The following RASIP1 variants were observed in gnomAD, a reference collection of about 807,000 sequenced individuals.
RASIP1 encodes the protein ras-interacting protein 1.
In RASIP1, 20 loss-of-function variants were observed where a neutral mutation model predicts 85.3. The observed-to-expected ratio is 0.23, with a 90% CI of 0.17 to 0.34. The LOEUF (loss-of-function observed/expected upper bound fraction) is 0.34, where lower values mean the gene tolerates loss of function less well. Ranked by LOEUF, RASIP1 falls within the 10% of genes least tolerant of loss-of-function variation. RASIP1 has a pLI of 1.00. For missense variants in RASIP1, 1,170 were observed against 1,390.9 expected (o/e 0.84, Z 2.53); for synonymous variants, 617 against 647.1 (o/e 0.95, Z 0.71).
intron 11 of RASIP1, 36 bp from the exon 12 acceptor site, chr19:48,721,033 A>T (rs911054426): frequency 6.6e-7 from 1 of 1,518,810 alleles, no homozygotes; most frequent in African/African-American, 1.4e-5. Flanking sequence ...AGAGTCTGAA[A>T]GTGGGAGTGA....
intron 11 of RASIP1, 73 bp from the exon 12 acceptor site, chr19:48,721,070 C>T: frequency 1.5e-6 from 2 of 1,298,024 alleles, no homozygotes; most frequent in Non-Finnish European, 1.0e-6. Context: ...AGAGCCGAGG[C>T]TGCGTCACAC....
chr19:48,728,998 TC>T lies in RASIP1; in HGVS notation c.1771del (p.Glu591SerfsTer44). On this transcript the variant is annotated frameshift_variant, in exon 5 of 12. Coordinates refer to ENST00000222145, the MANE Select transcript of RASIP1 (RefSeq NM_017805.3). LOFTEE classifies it high-confidence loss of function. ...LCVQHSARELELGHLPRLLGR... is the reference protein window; with the variant it reads ...LCVQHSARELXLGHLPRLLGR... ...CAGCAGTCGTGGCAGGTGGCCCAGC[TC>T]CAGCTCACGGGCGGAATGCTGCACG... 1 of 1,453,414 alleles carries T rather than the reference TC, an allele frequency of 6.9e-7. No homozygotes were observed. The highest frequency in any genetic ancestry group is 1.3e-5 in the South Asian group (1 of 75,074). 90.0% of individuals were successfully genotyped at this position (1,453,414 alleles called of 1,614,324 possible).
rs373380374 is a variant in RASIP1, at chr19:48,724,854, C to G, written c.2234G>C (p.Arg745Thr). 1 of 1,614,254 alleles carries G rather than the reference C, an allele frequency of 6.2e-7. No homozygotes were observed. Among genetic ancestry groups the G allele is most frequent in the Non-Finnish European group, 8.5e-7 (1 of 1,180,052 alleles). The change falls in exon 9 of 12, where the codon AGA becomes ACA. Residue 745 changes from arginine to threonine, a missense_variant. This residue lies in a region of RASIP1 where 426 missense variants were observed against 576.2 expected (regional missense o/e 0.74). Coordinates refer to ENST00000222145, the MANE Select transcript of RASIP1 (RefSeq NM_017805.3). This position sits in a 1 kb window ranked among gnomAD's most constrained non-coding sequence, Gnocchi z 4.6. ...TGCCTGGAACACGCCCAGGGTAGGTCTCAATCCTGGAGGCATGGCCCCCAG... is the reference window on the plus strand; with the variant it reads ...TGCCTGGAACACGCCCAGGGTAGGTGTCAATCCTGGAGGCATGGCCCCCAG... ...AELGAMPPGLRPTLGVFQAAL... is the reference protein window; with the variant it reads ...AELGAMPPGLTPTLGVFQAAL...
Position 48,724,925 on chromosome 19 carries a change from A to T in RASIP1, c.2163T>A (p.Ser721Arg). 1 of 1,614,162 alleles carries T rather than the reference A, an allele frequency of 6.2e-7. No individual in the cohort carries two copies. The highest frequency in any genetic ancestry group is 8.5e-7 in the Non-Finnish European group (1 of 1,180,004). Reference sequence around the variant, plus strand: ...GCTCTGCACCAGCTGTGAAAGGGTTACTATCCAGGAGAGCAGGCAGCGTTG... The same window carrying T: ...GCTCTGCACCAGCTGTGAAAGGGTTTCTATCCAGGAGAGCAGGCAGCGTTG... ...LYSTLPALLDSNPFTAGAELP... is the reference protein window; with the variant it reads ...LYSTLPALLDRNPFTAGAELP... The change falls in exon 9 of 12, where the codon AGT (serine) becomes AGA (arginine). Residue 721 changes from serine (S) to arginine (R), a missense_variant. This residue lies in a region of RASIP1 where 426 missense variants were observed against 576.2 expected (regional missense o/e 0.74). Transcript: ENST00000222145. The surrounding 1 kb of genome is among the most constrained non-coding windows in gnomAD (Gnocchi z 4.6).
intron 3 of RASIP1, chr19:48,737,994 G>C: frequency 1.0e-5 from 10 of 965,260 alleles, no homozygotes; most frequent in Non-Finnish European, 1.2e-5. Flanking sequence ...CCCCAGGCTG[G>C]AGTTCAGTGG....
intron 3 of RASIP1, chr19:48,737,600 G>A (rs757065899): frequency 5.1e-6 from 5 of 985,310 alleles, no homozygotes; most frequent in Non-Finnish European, 6.0e-6. Context: ...CTTAGTCCCA[G>A]CAGGCCTGAT....
chr19:48,728,035 CTTTTTAA>C (rs2033373731), intron 5 of RASIP1, among the ~76,000 whole-genome samples: 1 of 152,122 alleles, frequency 6.6e-6, no homozygotes, highest in Admixed American at 6.6e-5. Context: ...TCTCTCCTTA[CTTTTTAA>C]AACATACACA....
Position 48,735,034 on chromosome 19 carries a change from CCT to C in RASIP1, c.1179+160_1179+161del, listed in dbSNP as rs1187805168. On this transcript the variant is annotated intron_variant, in intron 4 of 11. Transcript: ENST00000222145. ...GACTCTTTCTCAGCCATCTACTCTC[CCT>C]CTCCTGTGAATCTCTACTCTGGAAC... 1.3e-5 allele frequency among the ~76,000 whole-genome samples: 2 copies of C among 152,206 alleles called. 1 individual carries two copies. The highest frequency in any genetic ancestry group is 2.9e-5 in the Non-Finnish European group (2 of 68,046).
At chr19:48,731,767 C>T (rs557853140) in intron 4 of RASIP1, among the ~76,000 whole-genome samples, 81 of 152,298 alleles carry the variant, frequency 5.3e-4, no homozygotes, top group African/African-American at 1.7e-3. Flanking sequence ...AAGATTTGCT[C>T]ATCTACCCTT....
Position 48,740,030 on chromosome 19 carries a change from G to C in RASIP1, c.137+116C>G. On this transcript the variant is annotated intron_variant, in intron 2 of 11. Transcript: ENST00000222145. This position sits in a 1 kb window ranked among gnomAD's most constrained non-coding sequence, Gnocchi z 5.5. Reference sequence around the variant, plus strand: ...ACCGTCTCCCCCTGCCCACCAGCTCGTTTGCCCAATTCAGGATGAGGACCG... The same window carrying C: ...ACCGTCTCCCCCTGCCCACCAGCTCCTTTGCCCAATTCAGGATGAGGACCG... 7.4e-7 allele frequency: 1 copy of C among 1,354,586 alleles called. No homozygotes were observed. 83.9% of individuals were successfully genotyped at this position (1,354,586 alleles called of 1,614,324 possible).
Position 48,740,222 on chromosome 19 carries a change from C to A in RASIP1, c.61G>T (p.Val21Leu), listed in dbSNP as rs1472638453. Reference protein sequence around the residue: ...SPRFGKLHLPVGLWINSPRKQ... With the variant: ...SPRFGKLHLPLGLWINSPRKQ... ...CTGGGGGAATTGATCCACAGGCCCA[C>A]GGGGAGATGAAGCTTCCCGAAGCGG... Residue 21 changes from valine to leucine, a missense_variant, in exon 2 of 12, where the codon GTG becomes TTG. Transcript: ENST00000222145. This position sits in a 1 kb window ranked among gnomAD's most constrained non-coding sequence, Gnocchi z 5.5. The A allele has an allele frequency of 6.3e-7, 1 of 1,590,206 alleles. No homozygotes were observed. Among genetic ancestry groups the A allele is most frequent in the Admixed American group, 1.9e-5 (1 of 53,162 alleles).
chr19:48,731,602 A>G (rs182685957), intron 4 of RASIP1, among the ~76,000 whole-genome samples: 38 of 152,268 alleles, frequency 2.5e-4, no homozygotes, highest in Non-Finnish European at 4.6e-4. Flanking sequence ...TCTCCATTCC[A>G]TAAATGTAGA....
intron 11 of RASIP1, among the ~76,000 whole-genome samples, 187 bp from the exon 12 acceptor site, chr19:48,721,184 G>A (rs1022393359): frequency 2.0e-5 from 3 of 152,114 alleles, no homozygotes; most frequent in Admixed American, 2.0e-4. Flanking sequence ...TAGTTCAGAC[G>A]ATGGAAGGCC....
Position 48,738,806 on chromosome 19 carries a change from T to G in RASIP1, c.823+154A>C, listed in dbSNP as rs1264889239. ...GGCCCTGCTCTAGCTCTGCCTAGAG[T>G]CCAACACGCACCGTCCAGTCCCCTC... On this transcript the variant is annotated intron_variant, in intron 3 of 11. Coordinates refer to ENST00000222145, the MANE Select transcript of RASIP1 (RefSeq NM_017805.3). The surrounding 1 kb of genome is among the most constrained non-coding windows in gnomAD (Gnocchi z 4.0). The G allele has an allele frequency of 1.0e-6, 1 of 970,802 alleles. No homozygotes were observed. The highest frequency in any genetic ancestry group is 1.3e-6 in the Non-Finnish European group (1 of 767,032). The allele number at this position is 970,802 out of a possible 1,614,324, so 60.1% of individuals were successfully genotyped here. A position where few individuals can be genotyped will look rare whatever the true frequency, so the allele number is the denominator to read the frequency against.
At chr19:48,727,305 C>A (rs1319295473) in intron 6 of RASIP1, 88 bp downstream of exon 6, 8 of 1,552,316 alleles carry the variant, frequency 5.2e-6, no homozygotes, top group African/African-American at 1.4e-5. Context: ...GAAACTTGCA[C>A]TGGGGCATGC....
At chr19:48,728,792 A>AC in intron 5 of RASIP1, 145 bp downstream of exon 5, 1 of 973,878 alleles carries the variant, frequency 1.0e-6, no homozygotes, top group South Asian at 2.7e-5. Flanking sequence ...AAACAAACAA[A>AC]ACCCAAAACC....
chr19:48,734,269 T>G (rs1378808239), intron 4 of RASIP1, among the ~76,000 whole-genome samples: 3 of 151,528 alleles, frequency 2.0e-5, no homozygotes, highest in Non-Finnish European at 4.4e-5. Flanking sequence ...GAGTCCAGCC[T>G]GGGCGACAGA....
intron 4 of RASIP1, among the ~76,000 whole-genome samples, chr19:48,734,835 G>A (rs1360818481): frequency 6.6e-6 from 1 of 152,092 alleles, no homozygotes; most frequent in East Asian, 1.9e-4. Flanking sequence ...GGCTGGTCTC[G>A]AACTTTTGGC....
At chr19:48,730,705 C>T (rs1305640751) in intron 4 of RASIP1, among the ~76,000 whole-genome samples, 1 of 152,098 alleles carries the variant, frequency 6.6e-6, no homozygotes, top group East Asian at 1.9e-4. Flanking sequence ...CTCAATATTC[C>T]TCAAGCAATG....
Sources: gnomAD v4.1 joint callset for allele counts (sites outside exome capture counted in the v4.1 genomes callset) on GRCh38, gnomAD v4.1.1 for gene constraint, gnomAD v4.1.1 regional missense constraint, Gnocchi (gnomAD v3.1) non-coding constraint, MANE v1.5 for transcripts, NCBI Gene and HGNC (gene_info 2026-07-23, HGNC 2026-07-21) for gene names.